Variants in FRMD4A observed in about 807,000 individuals in gnomAD.
FRMD4A encodes FERM domain containing 4A.
Under a neutral mutation model 129.1 loss-of-function variants are expected in FRMD4A, and 29 were observed. That is an observed-to-expected ratio of 0.22 (90% CI 0.17 to 0.31). The LOEUF (loss-of-function observed/expected upper bound fraction) is 0.31. Ranked by LOEUF, FRMD4A falls within the 10% of genes least tolerant of loss-of-function variation. The pLI, the probability that FRMD4A is intolerant of heterozygous loss-of-function variation, is 1.00. For missense variants in FRMD4A, 1,272 were observed against 1,375.8 expected, an observed-to-expected ratio of 0.92 and a Z score of 1.19; for synonymous variants, 634 against 571.6, an observed-to-expected ratio of 1.11 and a Z score of -1.56.
chr10:14,147,645 A>G (rs1840140050), intron 2 of FRMD4A, among the ~76,000 whole-genome samples: 1 of 152,084 alleles, frequency 6.6e-6, no homozygotes, highest in Non-Finnish European at 1.5e-5. Context: ...TGGCATGTGC[A>G]GTTCACAACA....
At chr10:14,053,391 G>C (rs1017100879) in intron 2 of FRMD4A, among the ~76,000 whole-genome samples, 1 of 152,076 alleles carries the variant, frequency 6.6e-6, no homozygotes, top group Non-Finnish European at 1.5e-5. Context: ...GGTGTGCAGG[G>C]GGCACCTTGT....
chr10:14,013,467 G>T (rs34941528), intron 2 of FRMD4A, among the ~76,000 whole-genome samples: 28,099 of 152,054 alleles, frequency 0.18, 3,224 homozygotes, highest in East Asian at 0.44. Context: ...ACAAAAGAGG[G>T]GTGTGGGGCT....
intron 2 of FRMD4A, among the ~76,000 whole-genome samples, chr10:13,887,018 C>T (rs141642658): frequency 2.8e-3 from 425 of 152,304 alleles, no homozygotes; most frequent in African/African-American, 8.7e-3. Context: ...ACAGACAACA[C>T]GTTTCTTCTT....
chr10:14,007,456 G>A (rs567840254), intron 2 of FRMD4A: 1 of 152,264 alleles, frequency 6.6e-6, no homozygotes, highest in Non-Finnish European at 1.5e-5. Context: ...TCTCTACTAG[G>A]GGCTTCCATA....
intron 2 of FRMD4A, among the ~76,000 whole-genome samples, chr10:14,148,291 C>T (rs1238009173): frequency 1.3e-5 from 2 of 152,138 alleles, no homozygotes; most frequent in East Asian, 1.9e-4. Context: ...GTTTATATGT[C>T]GTGACTGTTT....
intron 3 of FRMD4A, among the ~76,000 whole-genome samples, chr10:13,846,119 G>C (rs1292168692): frequency 6.6e-6 from 1 of 152,200 alleles, no homozygotes; most frequent in Non-Finnish European, 1.5e-5. Flanking sequence ...GCTTAGAACA[G>C]AGTCTGGTAC....
chr10:13,659,684 G>T (rs763631729), intron 20 of FRMD4A, among the ~76,000 whole-genome samples, 194 bp from the exon 21 acceptor site: 10 of 151,250 alleles, frequency 6.6e-5, no homozygotes, highest in Non-Finnish European at 1.3e-4. Flanking sequence ...CCCAACCTAG[G>T]CAATATGAGA....
intron 2 of FRMD4A, among the ~76,000 whole-genome samples, chr10:14,099,617 TA>T (rs1225943916): frequency 6.6e-6 from 1 of 151,904 alleles, no homozygotes; most frequent in Non-Finnish European, 1.5e-5. Context: ...TTTTGGTTGA[TA>T]AAAAAAAGCA....
chr10:13,861,588 A>G (rs2131047342), intron 2 of FRMD4A, among the ~76,000 whole-genome samples: 1 of 152,230 alleles, frequency 6.6e-6, no homozygotes, highest in East Asian at 1.9e-4. Context: ...ACACAGAGGA[A>G]AAACTTCAAT....
chr10:14,169,184 C>T (rs1001208359), intron 2 of FRMD4A, among the ~76,000 whole-genome samples: 3 of 152,106 alleles, frequency 2.0e-5, no homozygotes, highest in African/African-American at 7.2e-5. Flanking sequence ...AATCCCTTTT[C>T]AGGTAAGATT....
chr10:14,252,630 C>T (rs1157505938), intron 2 of FRMD4A, among the ~76,000 whole-genome samples: 2 of 152,204 alleles, frequency 1.3e-5, no homozygotes, highest in South Asian at 2.1e-4. Context: ...TCAGGTGGCC[C>T]ATGCTGTTGA....
In FRMD4A at chr10:13,728,761, G is replaced by T. The variant is rs915110430; in HGVS notation, c.759+9083C>A. Among the ~76,000 whole-genome samples, 3 of 151,580 alleles carry T rather than the reference G, an allele frequency of 2.0e-5. No homozygotes were observed. In the South Asian group the frequency reaches 6.3e-4, roughly 32 times the overall value. ...AATTTTTGTATTTTTTAGTAGAGAC[G>T]GGGTTTTATCACGTTGGCCAGGCTG... is the stretch of plus-strand genomic sequence containing the variant. On this transcript the variant is annotated intron_variant, in intron 12 of 24. Coordinates refer to ENST00000357447, the MANE Select transcript of FRMD4A (RefSeq NM_018027.5).
intron 2 of FRMD4A, among the ~76,000 whole-genome samples, chr10:14,182,024 T>C (rs1358848993): frequency 6.6e-6 from 1 of 152,188 alleles, no homozygotes; most frequent in African/African-American, 2.4e-5. Context: ...TCTGTCAAAA[T>C]GTTCAGGATT....
Position 13,657,241 on chromosome 10 carries a change from T to C in FRMD4A, c.2348A>G (p.Gln783Arg), listed in dbSNP as rs369718865. ...EDSPSKARQRQRQRQRAAGAL... is the reference protein window; with the variant it reads ...EDSPSKARQRRRQRQRAAGAL... ...GCCCGCCGCCCGCTGCCGCTGCCTC[T>C]GCCTCTGGCGCGCCTTGGACGGCGA... The change falls in exon 22 of 25, where the codon CAG becomes CGG. Residue 783 changes from glutamine (Q) to arginine (R), a missense_variant. Physicochemically the swap from Gln to Arg is conservative, Grantham distance 43. Coordinates refer to ENST00000357447, the MANE Select transcript of FRMD4A (RefSeq NM_018027.5). 1.0e-5 allele frequency: 16 copies of C among 1,587,680 alleles called. No individual in the cohort carries two copies. Among genetic ancestry groups the C allele is most frequent in the African/African-American group, 1.3e-5 (1 of 74,454 alleles).
intron 2 of FRMD4A, among the ~76,000 whole-genome samples, chr10:14,061,252 C>T (rs1039564325): frequency 3.3e-5 from 5 of 150,962 alleles, no homozygotes; most frequent in Admixed American, 3.3e-4. Context: ...TCAAGACCAG[C>T]TTGATCAACA....
At chr10:13,845,911 T>G (rs2094038567) in intron 3 of FRMD4A, among the ~76,000 whole-genome samples, 1 of 152,244 alleles carries the variant, frequency 6.6e-6, no homozygotes, top group African/African-American at 2.4e-5. Context: ...GCCTGTGCTC[T>G]CAGCGTGCTG....
Position 13,675,463 on chromosome 10 carries a change from A to G in FRMD4A, c.1118-419T>C, listed in dbSNP as rs150842034. ...GTCACCCAGCCTGGAGTACAGTGGCATGATCTCGGCTCGCTGCAACCTCCG... is the reference window on the plus strand; with the variant it reads ...GTCACCCAGCCTGGAGTACAGTGGCGTGATCTCGGCTCGCTGCAACCTCCG... On this transcript the variant is annotated intron_variant, in intron 15 of 24. Coordinates refer to ENST00000357447, the MANE Select transcript of FRMD4A (RefSeq NM_018027.5). Among the ~76,000 whole-genome samples, 346 of 152,278 alleles carry G rather than the reference A, an allele frequency of 2.3e-3. 1 individual carries two copies. The highest frequency in any genetic ancestry group is 6.4e-3 in the African/African-American group (267 of 41,556).
At chr10:13,875,503 T>A (rs1437553893) in intron 2 of FRMD4A, among the ~76,000 whole-genome samples, 1 of 152,102 alleles carries the variant, frequency 6.6e-6, no homozygotes, top group Non-Finnish European at 1.5e-5. Context: ...AAAGTTGGGG[T>A]CATATTGTTT....
intron 2 of FRMD4A, among the ~76,000 whole-genome samples, chr10:13,941,078 A>G (rs1017797934): frequency 1.3e-5 from 2 of 152,196 alleles, no homozygotes; most frequent in Non-Finnish European, 2.9e-5. Flanking sequence ...CAATTTAGTT[A>G]AATGCAAATC....
Sources: allele counts gnomAD v4.1 joint callset (sites outside exome capture counted in the v4.1 genomes callset), GRCh38; gene constraint gnomAD v4.1.1; transcripts MANE v1.5; gene names NCBI Gene and HGNC (gene_info 2026-07-23, HGNC 2026-07-21).